Variants in GPAT4 observed in about 807,000 individuals in gnomAD.
GPAT4 encodes 1-AGP acyltransferase 6.
In GPAT4, 17 loss-of-function variants were observed where a neutral mutation model predicts 58.0. The observed-to-expected ratio is 0.29, with a 90% CI of 0.20 to 0.44. The LOEUF (loss-of-function observed/expected upper bound fraction) is 0.44. Ranked by LOEUF, GPAT4 falls within the 20% of genes least tolerant of loss-of-function variation. The pLI, the probability that GPAT4 is intolerant of heterozygous loss-of-function variation, is 1.00. For missense variants in GPAT4, 377 were observed against 574.5 expected (o/e 0.66, Z 3.51); for synonymous variants, 204 against 210.1 (o/e 0.97, Z 0.25).
At chr8:41,579,739 G>C (rs1802461497) in intron 1 of GPAT4, among the ~76,000 whole-genome samples, 1 of 152,094 alleles carries the variant, frequency 6.6e-6, no homozygotes, top group Non-Finnish European at 1.5e-5. Flanking sequence ...TCGGGAGGCT[G>C]AGGCCGGAGA....
chr8:41,609,449 GAGA>G lies in GPAT4; in HGVS notation c.204_206del (p.Lys68del). 1 of 1,614,166 alleles carries G rather than the reference GAGA, an allele frequency of 6.2e-7. No homozygotes were observed. The highest frequency in any genetic ancestry group is 1.7e-5 in the Admixed American group (1 of 60,030). The stretch of plus-strand genomic sequence containing the variant: ...CTTGAGAATGGAGCGAGGAGCCAAG[GAGA>G]AGAACCACCAGCTTTACAAGCCCTA... On this transcript the variant is annotated inframe_deletion, in exon 3 of 13. Coordinates refer to ENST00000396987, the MANE Select transcript of GPAT4 (RefSeq NM_178819.4).
chr8:41,590,507 G>T (rs1298156420), intron 1 of GPAT4, among the ~76,000 whole-genome samples: 1 of 152,230 alleles, frequency 6.6e-6, no homozygotes. Flanking sequence ...GGTAACTTGA[G>T]TCCCTTAATC....
chr8:41,586,095 A>G (rs1407659378), intron 1 of GPAT4, among the ~76,000 whole-genome samples: 10 of 151,986 alleles, frequency 6.6e-5, no homozygotes, highest in Non-Finnish European at 1.5e-4. Context: ...GTATCTCCCC[A>G]CTCTCGCCAG....
intron 1 of GPAT4, among the ~76,000 whole-genome samples, chr8:41,591,696 T>G (rs1007308524): frequency 6.6e-6 from 1 of 152,240 alleles, no homozygotes; most frequent in Non-Finnish European, 1.5e-5. Context: ...CTGGGAACCA[T>G]TTTCCAAACA....
At chr8:41,603,258 G>C (rs1585664007) in intron 2 of GPAT4, among the ~76,000 whole-genome samples, 1 of 152,178 alleles carries the variant, frequency 6.6e-6, no homozygotes, top group East Asian at 1.9e-4. Context: ...TGGGCGCAGT[G>C]GCTCATGCCT....
chr8:41,621,059 G>T lies in GPAT4; in HGVS notation c.*58G>T. ...GGGTGCCAACGGGCTCAGAGCTGGAGTTGCCGCCGCCGCCCCCACTGCTGT... is the reference window on the plus strand; with the variant it reads ...GGGTGCCAACGGGCTCAGAGCTGGATTTGCCGCCGCCGCCCCCACTGCTGT... On this transcript the variant is annotated 3_prime_UTR_variant, in exon 13 of 13. Transcript: ENST00000396987. 6.5e-7 allele frequency: 1 copy of T among 1,546,140 alleles called. No homozygotes were observed. The highest frequency in any genetic ancestry group is 2.4e-5 in the East Asian group (1 of 40,864).
chr8:41,581,095 CATT>C (rs1396070724), intron 1 of GPAT4, among the ~76,000 whole-genome samples: 1 of 152,184 alleles, frequency 6.6e-6, no homozygotes, highest in African/African-American at 2.4e-5. Flanking sequence ...CCTACTGTGT[CATT>C]GTGCTCATGG....
chr8:41,583,007 G>A (rs1305301012), intron 1 of GPAT4, among the ~76,000 whole-genome samples: 1 of 152,044 alleles, frequency 6.6e-6, no homozygotes, highest in Non-Finnish European at 1.5e-5. Context: ...TAGATCACTT[G>A]AGGTCAGGAG....
In GPAT4 at chr8:41,612,911, G is replaced by T. The variant is rs751164953; in HGVS notation, c.862G>T (p.Val288Phe). ...AGCCATGGTGAAGGCCTGCCCACAC[G>T]TCTGGTTTGAGCGCTCGGAAGTGAA... ...QRAMVKACPH[V>F]WFERSEVKDR... is the part of the protein sequence containing the mutation. The change falls in exon 8 of 13, where the codon GTC (valine) becomes TTC (phenylalanine). Residue 288 changes from valine to phenylalanine, a missense_variant. Transcript: ENST00000396987. 6.2e-7 allele frequency: 1 copy of T among 1,614,144 alleles called. No homozygotes were observed.
At chr8:41,610,714 C>CT in intron 4 of GPAT4, 22 bp from the exon 5 acceptor site, 2 of 1,598,664 alleles carry the variant, frequency 1.3e-6, no homozygotes, top group Non-Finnish European at 1.7e-6. Flanking sequence ...TGGCTGTGCT[C>CT]TAACTTTTCT....
At chr8:41,578,698 C>T (rs2150475777) in intron 1 of GPAT4, 1 of 152,424 alleles carries the variant, frequency 6.6e-6, no homozygotes, top group African/African-American at 2.4e-5. Flanking sequence ...CTCTGGCTGC[C>T]GTAAGATGCA....
At chr8:41,619,988 C>T (rs1054086283) in intron 12 of GPAT4, among the ~76,000 whole-genome samples, 1 of 152,212 alleles carries the variant, frequency 6.6e-6, no homozygotes, top group Non-Finnish European at 1.5e-5. Context: ...AGACTCAAAT[C>T]ACTTTTTTCC....
At chr8:41,582,971 C>G (rs1802562677) in intron 1 of GPAT4, among the ~76,000 whole-genome samples, 1 of 151,992 alleles carries the variant, frequency 6.6e-6, no homozygotes, top group Non-Finnish European at 1.5e-5. Context: ...GCCTGTAACC[C>G]TAGCACTTTG....
At chr8:41,604,640 T>C (rs1031906092) in intron 2 of GPAT4, among the ~76,000 whole-genome samples, 3 of 152,076 alleles carry the variant, frequency 2.0e-5, no homozygotes. Flanking sequence ...AGGAGAAAGA[T>C]GAGAACAAAT....
rs758905649 is a variant in GPAT4, at chr8:41,600,036, C to CTTTTTTTTTTTTTTTTTTTTTTTTTT, written c.165+750_165+751insTTTTTTTTTTTTTTTTTTTTTTTTTT. Among the ~76,000 whole-genome samples the CTTTTTTTTTTTTTTTTTTTTTTTTTT allele has an allele frequency of 8.0e-5, 8 of 100,332 alleles. 1 individual carries two copies. The highest frequency in any genetic ancestry group is 8.0e-5 in the African/African-American group (2 of 24,938). The allele number at this position is 100,332 out of a possible 152,430, so 65.8% of individuals were successfully genotyped here. A position where few individuals can be genotyped will look rare whatever the true frequency, so the allele number is the denominator to read the frequency against. ...TGTTCATATTTTATCTTTTTCTTTT[C>CTTTTTTTTTTTTTTTTTTTTTTTTTT]TTTTTTTTTTTTTTTTTTCGAGACA... On this transcript the variant is annotated intron_variant, in intron 2 of 12. Transcript: ENST00000396987.
chr8:41,585,129 A>G (rs1304664950), intron 1 of GPAT4, among the ~76,000 whole-genome samples: 2 of 152,186 alleles, frequency 1.3e-5, no homozygotes, highest in African/African-American at 4.8e-5. Flanking sequence ...ACACTCTACC[A>G]GTCCCGATAC....
chr8:41,594,480 CTTCTT>C (rs1371721047), intron 1 of GPAT4, among the ~76,000 whole-genome samples: 2 of 151,392 alleles, frequency 1.3e-5, no homozygotes, highest in African/African-American at 4.9e-5. Flanking sequence ...TTTTTAATAA[CTTCTT>C]TTTCTCACAA....
chr8:41,608,436 C>G (rs1217193047), intron 2 of GPAT4, among the ~76,000 whole-genome samples: 1 of 152,230 alleles, frequency 6.6e-6, no homozygotes, highest in Non-Finnish European at 1.5e-5. Flanking sequence ...CATGACATAG[C>G]TTTCTCTCTA....
intron 2 of GPAT4, among the ~76,000 whole-genome samples, chr8:41,608,722 A>G (rs1254482188): frequency 1.3e-5 from 2 of 152,204 alleles, no homozygotes; most frequent in Non-Finnish European, 2.9e-5. Context: ...GGTAGTATCA[A>G]TCCTGTTTTG....
Sources: gnomAD v4.1 joint callset for allele counts (sites outside exome capture counted in the v4.1 genomes callset) on GRCh38, gnomAD v4.1.1 for gene constraint, MANE v1.5 for transcripts, NCBI Gene and HGNC (gene_info 2026-07-23, HGNC 2026-07-21) for gene names.